The following ADSS2 variants were observed in gnomAD, a reference collection of about 807,000 sequenced individuals.
ADSS2 encodes the protein adenylosuccinate synthase 2, also known as adenylosuccinate synthetase isozyme 2.
A neutral mutation model predicts 60.0 loss-of-function variants in ADSS2; 30 were observed. The ratio of observed to expected loss-of-function variants is 0.50; its 90% CI spans 0.37 to 0.68. ADSS2 has a LOEUF of 0.68. Ranked by LOEUF, ADSS2 falls within the 30% of genes least tolerant of loss-of-function variation. The pLI, the probability that ADSS2 is intolerant of heterozygous loss-of-function variation, is 0.00. For missense variants in ADSS2, 373 were observed against 554.8 expected (o/e 0.67, Z 3.29); for synonymous variants, 187 against 193.1 (o/e 0.97, Z 0.26).
At chr1:244,426,130 G>A (rs1234558739) in intron 4 of ADSS2, among the ~76,000 whole-genome samples, 1 of 152,112 alleles carries the variant, frequency 6.6e-6, no homozygotes, top group African/African-American at 2.4e-5. Flanking sequence ...AGTTACTTGA[G>A]AGGCCAGAAT....
chr1:244,419,097 C>T (rs942720240), intron 8 of ADSS2, 183 bp from the exon 9 acceptor site: 6 of 593,044 alleles, frequency 1.0e-5, no homozygotes, highest in East Asian at 9.5e-5. Context: ...GACATAAAAA[C>T]GAGGTCAGAG....
chr1:244,413,625 A>G (rs1316513552), intron 11 of ADSS2, among the ~76,000 whole-genome samples: 1 of 152,188 alleles, frequency 6.6e-6, no homozygotes, highest in African/African-American at 2.4e-5. Flanking sequence ...GGCATCAGAC[A>G]GGAGCTGTAG....
chr1:244,440,927 A>G (rs1021365605), intron 1 of ADSS2, among the ~76,000 whole-genome samples: 2 of 152,182 alleles, frequency 1.3e-5, no homozygotes, highest in African/African-American at 4.8e-5. Flanking sequence ...ATCTTTTGCT[A>G]TTATAAACAA....
At chr1:244,436,759 G>T in intron 3 of ADSS2, 66 bp downstream of exon 3, 2 of 1,367,270 alleles carry the variant, frequency 1.5e-6, no homozygotes, top group Non-Finnish European at 2.1e-6. Flanking sequence ...TTGTTCGTCT[G>T]GCATAAGATC....
At chr1:244,450,663 G>C (rs1203751960) in intron 1 of ADSS2, among the ~76,000 whole-genome samples, 1 of 152,138 alleles carries the variant, frequency 6.6e-6, no homozygotes, top group Non-Finnish European at 1.5e-5. Context: ...AGTGGTTATT[G>C]CTCATCTGCT....
In ADSS2 at chr1:244,451,593, G is replaced by C. The variant is rs974591264; in HGVS notation, c.183+42C>G. The C allele has an allele frequency of 4.5e-6, 7 of 1,565,618 alleles. No individual in the cohort carries two copies. Among genetic ancestry groups the C allele is most frequent in the Admixed American group, 1.9e-5 (1 of 53,678 alleles). On this transcript the variant is annotated intron_variant, in intron 1 of 12. Transcript: ENST00000366535. This position sits in a 1 kb window ranked among gnomAD's most constrained non-coding sequence, Gnocchi z 6.6. ...GGGCACCAGGAGCCAGGCAGCCCGAGCTCCCGGGCCCGGCTTCCCATGAGA... is the reference window on the plus strand; with the variant it reads ...GGGCACCAGGAGCCAGGCAGCCCGACCTCCCGGGCCCGGCTTCCCATGAGA...
At chr1:244,434,014 G>T (rs1303574400) in intron 3 of ADSS2, among the ~76,000 whole-genome samples, 2 of 151,946 alleles carry the variant, frequency 1.3e-5, no homozygotes, top group African/African-American at 4.8e-5. Context: ...GGGGCTGTGA[G>T]CTTTCATAGC....
chr1:244,444,479 C>T (rs1275293812), intron 1 of ADSS2, among the ~76,000 whole-genome samples: 1 of 122,234 alleles, frequency 8.2e-6, no homozygotes, highest in East Asian at 2.2e-4. Context: ...CCCGCCACTG[C>T]ACTCCAGCCT....
At chr1:244,436,417 C>A (rs1665101980) in intron 3 of ADSS2, among the ~76,000 whole-genome samples, 1 of 152,150 alleles carries the variant, frequency 6.6e-6, no homozygotes, top group South Asian at 2.1e-4. Flanking sequence ...CTAAACGATT[C>A]CCCTTACATC....
rs530545170 is a variant in ADSS2, at chr1:244,418,159, C to T, written c.946-407G>A. ...ATGCCCTTCTGAAGAAAACTAAGAT[C>T]GAAAACATGCTCAAATATCTAAGCT... On this transcript the variant is annotated intron_variant, in intron 9 of 12. Transcript: ENST00000366535. 2.0e-5 allele frequency among the ~76,000 whole-genome samples: 3 copies of T among 152,084 alleles called. No individual in the cohort carries two copies. In the East Asian group the frequency reaches 5.8e-4, roughly 29 times the overall value.
chr1:244,451,893 G>T lies in ADSS2; in HGVS notation c.-76C>A. On this transcript the variant is annotated 5_prime_UTR_variant, in exon 1 of 13. Transcript: ENST00000366535. The surrounding 1 kb of genome is among the most constrained non-coding windows in gnomAD (Gnocchi z 6.6). ...GAGCGAACTGAACTGCTCTGCGGCC[G>T]CCAGCCACATGCAGAGGAAGAAGGA... 7.3e-7 allele frequency: 1 copy of T among 1,373,698 alleles called. No individual in the cohort carries two copies. Among genetic ancestry groups the T allele is most frequent in the Non-Finnish European group, 9.5e-7 (1 of 1,048,054 alleles). The allele number at this position is 1,373,698 out of a possible 1,614,324, so 85.1% of individuals were successfully genotyped here. A position where few individuals can be genotyped will look rare whatever the true frequency, so the allele number is the denominator to read the frequency against.
chr1:244,420,273 T>C lies in ADSS2; in HGVS notation c.687A>G (p.Pro229=). The C allele has an allele frequency of 6.2e-7, 1 of 1,613,204 alleles. No individual in the cohort carries two copies. Among genetic ancestry groups the C allele is most frequent in the Non-Finnish European group, 8.5e-7 (1 of 1,179,540 alleles). The change falls in exon 8 of 13, where the codon CCA becomes CCG. Residue 229 remains proline (P), a synonymous_variant. Transcript: ENST00000366535. ...GAAAATAAACTCCATCTCTCACCAT[T>C]GGTTTAATCTTTTCCATATAACCCT... The part of the protein sequence containing the change: ...KLKGYMEKIK[P]MVRDGVYFLY...
chr1:244,442,893 G>A (rs935276715), intron 1 of ADSS2, among the ~76,000 whole-genome samples: 8 of 152,266 alleles, frequency 5.3e-5, no homozygotes, highest in South Asian at 2.1e-4. Flanking sequence ...GGTTCAAGGA[G>A]AGGTCACATA....
intron 1 of ADSS2, among the ~76,000 whole-genome samples, chr1:244,440,657 C>T (rs1005444919): frequency 1.3e-5 from 2 of 152,142 alleles, no homozygotes; most frequent in Non-Finnish European, 2.9e-5. Context: ...CTTTCTCATA[C>T]CCTTGCTGTA....
At position 244,438,863 on chromosome 1, in the gene ADSS2, A is replaced by G. The variant is rs545138872; in HGVS notation, c.184-1095T>C. Among the ~76,000 whole-genome samples the G allele has an allele frequency of 7.2e-5, 11 of 152,280 alleles. No individual in the cohort carries two copies. In the South Asian group the frequency reaches 1.9e-3, roughly 26 times the overall value. ...ATAATTATATCCAGGTAAATATGGT[A>G]TCTATCACCTCAAGCATTTATCCTT... On this transcript the variant is annotated intron_variant, in intron 1 of 12. Transcript: ENST00000366535.
At chr1:244,428,213 T>A (rs142832484) in intron 4 of ADSS2, among the ~76,000 whole-genome samples, 29 of 152,172 alleles carry the variant, frequency 1.9e-4, no homozygotes, top group African/African-American at 6.5e-4. Context: ...ACAGACCACA[T>A]CCTGAGCCAT....
At chr1:244,424,447 C>A (rs564020511) in intron 4 of ADSS2, 60 bp from the exon 5 acceptor site, 171 of 1,372,092 alleles carry the variant, frequency 1.2e-4, no homozygotes, top group Non-Finnish European at 1.7e-4. Context: ...GCAAAATCCA[C>A]CGCATTTCAA....
intron 1 of ADSS2, among the ~76,000 whole-genome samples, chr1:244,439,202 T>A (rs989570107): frequency 6.6e-6 from 1 of 152,216 alleles, no homozygotes; most frequent in Non-Finnish European, 1.5e-5. Context: ...TCCAGTTCCA[T>A]CCACGTTGTT....
rs565636331 is a variant in ADSS2 at position 244,409,124 on chromosome 1, T to C, written c.*462A>G. ...AGTTTACAGAACCCCTATGTTTTCA[T>C]CATTTGTTTCTAACAACAAAGATTA... On this transcript the variant is annotated 3_prime_UTR_variant, in exon 13 of 13. Coordinates refer to ENST00000366535, the MANE Select transcript of ADSS2 (RefSeq NM_001126.5). 1 of 153,096 alleles carries C rather than the reference T, an allele frequency of 6.5e-6. No individual in the cohort carries two copies. The highest frequency in any genetic ancestry group is 1.9e-4 in the East Asian group (1 of 5,196). 9.5% of individuals were successfully genotyped at this position (153,096 alleles called of 1,614,324 possible). A position where few individuals can be genotyped will look rare whatever the true frequency, so the allele number is the denominator to read the frequency against.
Sources: gnomAD v4.1 joint callset for allele counts (sites outside exome capture counted in the v4.1 genomes callset) on GRCh38, gnomAD v4.1.1 for gene constraint, Gnocchi (gnomAD v3.1) non-coding constraint, MANE v1.5 for transcripts, NCBI Gene and HGNC (gene_info 2026-07-23, HGNC 2026-07-21) for gene names.